The following RFTN2 variants were observed in gnomAD, a reference collection of about 807,000 sequenced individuals.
RFTN2 encodes the protein raftlin family member 2, also known as raftlin-2.
In RFTN2, 34 loss-of-function variants were observed where a neutral mutation model predicts 52.7. The ratio of observed to expected loss-of-function variants is 0.64; its 90% CI spans 0.49 to 0.86. RFTN2 has a LOEUF of 0.86. Ranked by LOEUF, RFTN2 falls within the 40% of genes least tolerant of loss-of-function variation. RFTN2 has a pLI of 0.00. For synonymous variants in RFTN2, 203 were observed against 217.7 expected, an observed-to-expected ratio of 0.93 and a Z score of 0.59; for missense variants, 536 against 600.1, an observed-to-expected ratio of 0.89 and a Z score of 1.12.
At chr2:197,580,184 CA>C (rs1003403028) in intron 8 of RFTN2, among the ~76,000 whole-genome samples, 3 of 152,158 alleles carry the variant, frequency 2.0e-5, no homozygotes, top group African/African-American at 7.2e-5. Context: ...AAAAGCCCCC[CA>C]AATTAAATTC....
intron 8 of RFTN2, among the ~76,000 whole-genome samples, chr2:197,594,015 C>CTTT (rs11352058): frequency 1.0e-5 from 1 of 95,984 alleles, no homozygotes; most frequent in Non-Finnish European, 2.1e-5. Context: ...CAGAATATTT[C>CTTT]TTTTTTTTTT....
chr2:197,589,859 G>A (rs2087671412), intron 8 of RFTN2, among the ~76,000 whole-genome samples: 1 of 152,018 alleles, frequency 6.6e-6, no homozygotes, highest in Non-Finnish European at 1.5e-5. Context: ...ATATTTTGAT[G>A]AATTATATTT....
At chr2:197,577,093 G>C (rs1013573575) in intron 8 of RFTN2, among the ~76,000 whole-genome samples, 3 of 152,132 alleles carry the variant, frequency 2.0e-5, no homozygotes, top group Admixed American at 2.0e-4. Context: ...CCCGCTTTTA[G>C]TCCCATCTTT....
At chr2:197,585,909 A>G (rs563383935) in intron 8 of RFTN2, among the ~76,000 whole-genome samples, 8 of 152,102 alleles carry the variant, frequency 5.3e-5, no homozygotes, top group Admixed American at 3.9e-4. Flanking sequence ...ACATATTCGG[A>G]CCCCTCACAA....
intron 3 of RFTN2, among the ~76,000 whole-genome samples, chr2:197,636,722 AC>A (rs2088573599): frequency 6.6e-6 from 1 of 150,530 alleles, no homozygotes; most frequent in Non-Finnish European, 1.5e-5. Flanking sequence ...CTAATTGAAT[AC>A]CCTTTATTTC....
chr2:197,605,830 C>T (rs1436419697), intron 7 of RFTN2, among the ~76,000 whole-genome samples: 1 of 152,118 alleles, frequency 6.6e-6, no homozygotes, highest in Non-Finnish European at 1.5e-5. Context: ...GCCCTATCTG[C>T]CACAAGGAAT....
intron 1 of RFTN2, among the ~76,000 whole-genome samples, chr2:197,672,107 G>C (rs1290850608): frequency 6.6e-6 from 1 of 152,070 alleles, no homozygotes; most frequent in Non-Finnish European, 1.5e-5. Context: ...ATAATACAGT[G>C]AAAGAAATCA....
chr2:197,611,031 A>C (rs1348697717), intron 7 of RFTN2, among the ~76,000 whole-genome samples: 1 of 152,118 alleles, frequency 6.6e-6, no homozygotes, highest in East Asian at 1.9e-4. Context: ...TTTATTGATG[A>C]GCTTCATATC....
Position 197,665,517 on chromosome 2 carries a change from C to CTTTTTTTTTTTTTTTT in RFTN2, c.139+9787_139+9802dup. ...ATTCCTTTATCATTATGTACCTTGC[C>CTTTTTTTTTTTTTTTT]TTTTTTTTTTTTTTTTACTGTTTTC... On this transcript the variant is annotated intron_variant, in intron 1 of 8. Transcript: ENST00000295049. Among the ~76,000 whole-genome samples, 83 of 41,442 alleles carry CTTTTTTTTTTTTTTTT rather than the reference C, an allele frequency of 2.0e-3. 6 individuals carry two copies. The highest frequency in any genetic ancestry group is 3.7e-3 in the South Asian group (5 of 1,358). The allele number at this position is 41,442 out of a possible 152,430, so 27.2% of individuals were successfully genotyped here.
intron 8 of RFTN2, among the ~76,000 whole-genome samples, chr2:197,579,725 T>A (rs981618563): frequency 6.6e-6 from 1 of 151,976 alleles, no homozygotes; most frequent in Non-Finnish European, 1.5e-5. Flanking sequence ...TTTCAATCTT[T>A]CTCTTCTACC....
intron 3 of RFTN2, among the ~76,000 whole-genome samples, chr2:197,638,894 T>C (rs999778992): frequency 6.6e-6 from 1 of 151,724 alleles, no homozygotes; most frequent in African/African-American, 2.4e-5. Flanking sequence ...TTCCTTTCCA[T>C]GTTTAGTGCT....
At chr2:197,640,931 A>T (rs992940753) in intron 3 of RFTN2, among the ~76,000 whole-genome samples, 2 of 152,156 alleles carry the variant, frequency 1.3e-5, no homozygotes. Context: ...TTGAAGGCTG[A>T]CGTAGGGGAC....
chr2:197,635,041 C>A (rs1348181491), intron 3 of RFTN2, among the ~76,000 whole-genome samples: 2 of 152,062 alleles, frequency 1.3e-5, no homozygotes, highest in African/African-American at 4.8e-5. Context: ...CCAATTTCAT[C>A]CATGTCCCTA....
At chr2:197,642,878 CT>C (rs1271161038) in intron 3 of RFTN2, among the ~76,000 whole-genome samples, 2 of 152,094 alleles carry the variant, frequency 1.3e-5, no homozygotes, top group African/African-American at 4.8e-5. Context: ...ACCAGGGTGG[CT>C]AAGGCAGGAG....
intron 5 of RFTN2, among the ~76,000 whole-genome samples, chr2:197,629,785 C>T (rs1293439737): frequency 1.3e-5 from 2 of 150,162 alleles, no homozygotes; most frequent in Admixed American, 1.3e-4. Context: ...TGTTGTGGTG[C>T]AATCATGGCT....
intron 1 of RFTN2, among the ~76,000 whole-genome samples, chr2:197,647,479 G>A (rs892697088): frequency 1.3e-4 from 19 of 151,790 alleles, no homozygotes; most frequent in Admixed American, 1.2e-3. Context: ...CAAAGTGTTG[G>A]GATTATAGGT....
intron 5 of RFTN2, among the ~76,000 whole-genome samples, chr2:197,629,941 C>T (rs753388338): frequency 3.3e-5 from 5 of 152,074 alleles, no homozygotes; most frequent in Non-Finnish European, 5.9e-5. Flanking sequence ...CCAGGCTAGT[C>T]TCGAACTCCT....
intron 8 of RFTN2, among the ~76,000 whole-genome samples, chr2:197,584,863 G>A (rs1286849801): frequency 1.3e-5 from 2 of 152,170 alleles, no homozygotes; most frequent in Admixed American, 1.3e-4. Flanking sequence ...AAATTCGCCA[G>A]GCTGCTTATC....
chr2:197,602,680 A>G (rs2087897930), intron 7 of RFTN2, among the ~76,000 whole-genome samples: 1 of 152,088 alleles, frequency 6.6e-6, no homozygotes, highest in African/African-American at 2.4e-5. Flanking sequence ...CTGGGACTAC[A>G]GGTGTGCGCC....
Sources: gnomAD v4.1 joint callset for allele counts (sites outside exome capture counted in the v4.1 genomes callset) on GRCh38, gnomAD v4.1.1 for gene constraint, MANE v1.5 for transcripts, NCBI Gene and HGNC (gene_info 2026-07-23, HGNC 2026-07-21) for gene names.